The following MICAL3 variants were observed in gnomAD, a reference collection of about 807,000 sequenced individuals.
MICAL3 encodes the protein [F-actin]-monooxygenase MICAL3.
Under a neutral mutation model 207.4 loss-of-function variants are expected in MICAL3, and 62 were observed. That is an observed-to-expected ratio of 0.30 (90% confidence interval 0.24 to 0.37). The LOEUF (loss-of-function observed/expected upper bound fraction) is 0.37. Among genes scored for constraint, MICAL3 ranks in the 10% least tolerant of loss-of-function variants. The pLI is 1.00. For synonymous variants in MICAL3, 1,077 were observed against 1,069.3 expected, an observed-to-expected ratio of 1.01 and a Z score of -0.14; for missense variants, 2,368 against 2,635.6, an observed-to-expected ratio of 0.90 and a Z score of 2.22.
At chr22:17,982,161 G>A (rs985371185) in intron 1 of MICAL3, among the ~76,000 whole-genome samples, 9 of 152,004 alleles carry the variant, frequency 5.9e-5, no homozygotes, top group African/African-American at 7.2e-5. Context: ...GGTAGGCCAC[G>A]GCTCACTACT....
Position 17,871,979 on chromosome 22 carries a change from G to A in MICAL3, c.2286C>T (p.Asp762=). 6.2e-7 allele frequency: 1 copy of A among 1,610,934 alleles called. No homozygotes were observed. Among genetic ancestry groups the A allele is most frequent in the Middle Eastern group, 1.7e-4 (1 of 6,058 alleles). The change falls in exon 17 of 32, where the codon GAC becomes GAT. Residue 762 remains aspartate (D), a synonymous_variant. Coordinates refer to ENST00000441493, the MANE Select transcript of MICAL3 (RefSeq NM_015241.3). Reference sequence around the variant, plus strand: ...CCCGCTTCTGGCAGAAGTAGCATGTGTCGCTGCCTCCCAGGTTCTGCGGGA... The same window carrying A: ...CCCGCTTCTGGCAGAAGTAGCATGTATCGCTGCCTCCCAGGTTCTGCGGGA... The part of the protein sequence containing the change: ...KEFPQNLGGS[D]TCYFCQKRVY...
In MICAL3 at chr22:17,793,747, G is replaced by A. The variant is rs2061848729; in HGVS notation, c.5651-2446C>T. On this transcript the variant is annotated intron_variant, in intron 29 of 31. Coordinates refer to ENST00000441493, the MANE Select transcript of MICAL3 (RefSeq NM_015241.3). The surrounding 1 kb of genome is among the most constrained non-coding windows in gnomAD (Gnocchi z 4.1). ...ACGTTACCTTCCTGGACACAGCAAG[G>A]GCAGAAGGAGAGAGGTCTACGTCGT... 6.6e-6 allele frequency: 1 copy of A among 152,392 alleles called. No homozygotes were observed. Among genetic ancestry groups the A allele is most frequent in the Non-Finnish European group, 1.5e-5 (1 of 68,098 alleles). The allele number at this position is 152,392 out of a possible 1,614,324, so 9.4% of individuals were successfully genotyped here.
intron 12 of MICAL3, among the ~76,000 whole-genome samples, chr22:17,890,200 C>T (rs779673844): frequency 6.6e-6 from 1 of 152,152 alleles, no homozygotes; most frequent in Admixed American, 6.5e-5. Context: ...TAGGATCCCA[C>T]AGCATTTTCC....
At chr22:17,848,000 C>A in intron 19 of MICAL3, among the ~76,000 whole-genome samples, 1 of 152,160 alleles carries the variant, frequency 6.6e-6, no homozygotes, top group Non-Finnish European at 1.5e-5. Context: ...CCCCATATGT[C>A]CTCCCAAAGC....
chr22:17,806,187 G>A (rs537458783), intron 29 of MICAL3, among the ~76,000 whole-genome samples: 2 of 152,252 alleles, frequency 1.3e-5, no homozygotes, highest in African/African-American at 4.8e-5. Context: ...TAGTGAAGAG[G>A]ACATTTTATT....
chr22:17,936,872 G>T (rs940209668), intron 1 of MICAL3, among the ~76,000 whole-genome samples: 1 of 152,178 alleles, frequency 6.6e-6, no homozygotes, highest in Non-Finnish European at 1.5e-5. Context: ...AGGTGTGCAG[G>T]ACAAGAGGGA....
chr22:17,820,076 T>G (rs940400189), intron 25 of MICAL3, among the ~76,000 whole-genome samples: 1 of 148,622 alleles, frequency 6.7e-6, no homozygotes, highest in Non-Finnish European at 1.5e-5. Flanking sequence ...GAGGCTGCAG[T>G]GAGCCATGAT....
chr22:17,824,446 A>G (rs1921956802), intron 22 of MICAL3, among the ~76,000 whole-genome samples: 1 of 152,252 alleles, frequency 6.6e-6, no homozygotes, highest in South Asian at 2.1e-4. Flanking sequence ...CCAGGCACTT[A>G]GAAGATGCTG....
intron 7 of MICAL3, among the ~76,000 whole-genome samples, chr22:17,898,662 C>T (rs940216983): frequency 3.3e-5 from 5 of 152,190 alleles, no homozygotes; most frequent in African/African-American, 9.7e-5. Flanking sequence ...TTTTTCTCAT[C>T]GCATGGGGAC....
intron 1 of MICAL3, among the ~76,000 whole-genome samples, chr22:17,991,937 G>A (rs551971220): frequency 3.3e-4 from 50 of 152,286 alleles, no homozygotes; most frequent in South Asian, 6.2e-4. Context: ...ACACAGCACC[G>A]TGGTCCTAGG....
At chr22:17,922,781 G>A (rs973962787) in intron 1 of MICAL3, among the ~76,000 whole-genome samples, 1 of 152,142 alleles carries the variant, frequency 6.6e-6, no homozygotes, top group East Asian at 1.9e-4. Context: ...AGTGTGTCTT[G>A]GTTCCAAGCC....
At chr22:17,899,247 TC>T in intron 7 of MICAL3, 200 bp downstream of exon 7, 1 of 655,544 alleles carries the variant, frequency 1.5e-6, no homozygotes. Context: ...TACACTATTC[TC>T]CCCCCGTTTT....
intron 16 of MICAL3, chr22:17,876,865 GGGAGGTTAGGGAGGTT>G (rs1928531973): frequency 1.0e-5 from 1 of 99,786 alleles, no homozygotes. Flanking sequence ...ATGGAGGTTA[GGGAGGTTAGGGAGGTT>G]AGGGAGGTTA....
At chr22:17,973,371 C>G (rs1000735427) in intron 1 of MICAL3, among the ~76,000 whole-genome samples, 9 of 152,186 alleles carry the variant, frequency 5.9e-5, no homozygotes, top group Non-Finnish European at 1.2e-4. Context: ...AAGAGACTTA[C>G]TTCTGTAGGG....
chr22:17,819,764 C>T (rs1053380007), intron 25 of MICAL3, among the ~76,000 whole-genome samples: 2 of 151,522 alleles, frequency 1.3e-5, no homozygotes, highest in Non-Finnish European at 2.9e-5. Flanking sequence ...ATGGTGAAAT[C>T]CCGTCTCTAC....
intron 1 of MICAL3, among the ~76,000 whole-genome samples, chr22:17,974,630 A>G (rs1935557937): frequency 6.6e-6 from 1 of 151,698 alleles, no homozygotes; most frequent in African/African-American, 2.4e-5. Context: ...AGGCTGAGGC[A>G]GGAGAATCGC....
At chr22:18,003,701 T>C (rs1314848628) in intron 1 of MICAL3, among the ~76,000 whole-genome samples, 2 of 151,986 alleles carry the variant, frequency 1.3e-5, no homozygotes, top group African/African-American at 2.4e-5. Flanking sequence ...CTTTTCAACC[T>C]CCCAACAGCT....
intron 11 of MICAL3, among the ~76,000 whole-genome samples, chr22:17,892,242 C>G (rs1345207171): frequency 6.6e-6 from 1 of 152,170 alleles, no homozygotes; most frequent in Non-Finnish European, 1.5e-5. Context: ...AATTCTCAAC[C>G]CTGAGAAACT....
intron 19 of MICAL3, among the ~76,000 whole-genome samples, chr22:17,843,262 G>A: frequency 6.6e-6 from 1 of 151,992 alleles, no homozygotes; most frequent in East Asian, 1.9e-4. Context: ...TTACAACTGT[G>A]CTTTGGTCTC....
Sources: gnomAD v4.1 joint callset for allele counts (sites outside exome capture counted in the v4.1 genomes callset) on GRCh38, gnomAD v4.1.1 for gene constraint, Gnocchi (gnomAD v3.1) non-coding constraint, MANE v1.5 for transcripts, NCBI Gene and HGNC (gene_info 2026-07-23, HGNC 2026-07-21) for gene names.